METTL24: variants seen among roughly 807,000 people sequenced by gnomAD.
METTL24 encodes the protein methyltransferase like 24.
In METTL24, 29 loss-of-function variants were observed where a neutral mutation model predicts 32.7. The observed-to-expected ratio is 0.89, with a 90% CI of 0.66 to 1.21. The LOEUF (loss-of-function observed/expected upper bound fraction) is 1.21, where lower values mean the gene tolerates loss of function less well. METTL24 is among the 50% of genes most tolerant of loss of function. The probability of loss-of-function intolerance (pLI) is 0.00; values close to 1 mark genes in which losing one functional copy is unlikely to be tolerated. For synonymous variants in METTL24, 163 were observed against 179.5 expected (o/e 0.91, Z 0.73); for missense variants, 439 against 468.1 (o/e 0.94, Z 0.57).
chr6:110,290,166 C>G (rs536145581), intron 4 of METTL24, among the ~76,000 whole-genome samples: 4 of 151,484 alleles, frequency 2.6e-5, no homozygotes, highest in African/African-American at 9.8e-5. Flanking sequence ...TCCACCCCCC[C>G]TCAGCCTCCC....
At chr6:110,320,468 C>G (rs1421457023) in intron 2 of METTL24, among the ~76,000 whole-genome samples, 1 of 152,090 alleles carries the variant, frequency 6.6e-6, no homozygotes, top group Non-Finnish European at 1.5e-5. Context: ...TCTGGTGACT[C>G]CCATCTGCTG....
intron 3 of METTL24, among the ~76,000 whole-genome samples, chr6:110,303,744 CA>C (rs1562231464): frequency 1.3e-5 from 2 of 152,246 alleles, no homozygotes; most frequent in Non-Finnish European, 2.9e-5. Context: ...GCAGCTTCAG[CA>C]GACTTAAACA....
At chr6:110,302,540 TAC>T (rs769357594) in intron 3 of METTL24, among the ~76,000 whole-genome samples, 131 of 105,780 alleles carry the variant, frequency 1.2e-3, no homozygotes, top group East Asian at 5.1e-3. Context: ...TATACACATA[TAC>T]ACACACATAT....
intron 3 of METTL24, among the ~76,000 whole-genome samples, chr6:110,306,195 T>G (rs996482223): frequency 6.6e-6 from 1 of 151,812 alleles, no homozygotes; most frequent in African/African-American, 2.4e-5. Context: ...TTAGGAGAAA[T>G]ACCTAATGTA....
At chr6:110,305,332 C>T (rs1039203579) in intron 3 of METTL24, among the ~76,000 whole-genome samples, 3 of 151,878 alleles carry the variant, frequency 2.0e-5, no homozygotes, top group Non-Finnish European at 2.9e-5. Context: ...CAAATAGGAT[C>T]GAATTAAATT....
intron 3 of METTL24, among the ~76,000 whole-genome samples, chr6:110,308,781 G>A (rs1771668385): frequency 6.6e-6 from 1 of 152,200 alleles, no homozygotes; most frequent in Non-Finnish European, 1.5e-5. Flanking sequence ...AAGGAATGAA[G>A]TACTGATACA....
chr6:110,259,796 T>G (rs1339762764), intron 4 of METTL24, among the ~76,000 whole-genome samples: 1 of 152,118 alleles, frequency 6.6e-6, no homozygotes, highest in Non-Finnish European at 1.5e-5. Flanking sequence ...GCAGCAACAT[T>G]GGCTGTTCAC....
At chr6:110,265,450 A>T (rs977263311) in intron 4 of METTL24, among the ~76,000 whole-genome samples, 1 of 143,888 alleles carries the variant, frequency 6.9e-6, no homozygotes, top group African/African-American at 2.4e-5. Context: ...CTTCTTCAAC[A>T]ACAAAACCCT....
At chr6:110,280,291 C>T (rs771914432) in intron 4 of METTL24, among the ~76,000 whole-genome samples, 3 of 152,134 alleles carry the variant, frequency 2.0e-5, no homozygotes, top group Non-Finnish European at 1.5e-5. Context: ...GCTGTATGAA[C>T]CCACTGTTTG....
intron 3 of METTL24, among the ~76,000 whole-genome samples, chr6:110,302,426 C>CACACACATATGTGTATATATACACATAT (rs1259480910): frequency 1.1e-3 from 149 of 139,418 alleles, no homozygotes; most frequent in South Asian, 2.3e-3. Flanking sequence ...TACACATATA[C>CACACACATATGTGTATATATACACATAT]ACACACATAT....
intron 4 of METTL24, among the ~76,000 whole-genome samples, chr6:110,250,143 C>T (rs1466007803): frequency 6.6e-6 from 1 of 151,752 alleles, no homozygotes; most frequent in Non-Finnish European, 1.5e-5. Context: ...CAAGGGCTGC[C>T]GTAACAAAAG....
intron 4 of METTL24, among the ~76,000 whole-genome samples, chr6:110,271,660 C>T (rs73763003): frequency 0.09 from 13,743 of 152,144 alleles, 1,143 homozygotes; most frequent in African/African-American, 0.23. Flanking sequence ...ATATAATCTA[C>T]ATTTTTTTCT....
At chr6:110,350,168 C>T (rs1470737737) in intron 1 of METTL24, among the ~76,000 whole-genome samples, 2 of 152,196 alleles carry the variant, frequency 1.3e-5, no homozygotes, top group Non-Finnish European at 2.9e-5. Context: ...CAGAGAATTC[C>T]TCACACATGG....
intron 4 of METTL24, among the ~76,000 whole-genome samples, chr6:110,260,406 G>A (rs1234446393): frequency 6.6e-6 from 1 of 152,084 alleles, no homozygotes; most frequent in Non-Finnish European, 1.5e-5. Flanking sequence ...GAGAAGAGAA[G>A]TTTAGAGAAA....
intron 1 of METTL24, among the ~76,000 whole-genome samples, chr6:110,348,048 A>G (rs1011743765): frequency 6.6e-6 from 1 of 152,234 alleles, no homozygotes; most frequent in South Asian, 2.1e-4. Flanking sequence ...CACCACAAGC[A>G]CACACATCGA....
chr6:110,245,812 C>A lies in METTL24; in HGVS notation c.*134G>T. On this transcript the variant is annotated 3_prime_UTR_variant, in exon 5 of 5. Coordinates refer to ENST00000338882, the MANE Select transcript of METTL24 (RefSeq NM_001123364.3). ...CACATGCCAAGCACTAGGCTGCATG[C>A]CCGCAATAACACACTCCCTGCCTCA... 1.2e-6 allele frequency: 1 copy of A among 827,750 alleles called. No individual in the cohort carries two copies. The highest frequency in any genetic ancestry group is 1.7e-5 in the South Asian group (1 of 59,806). 51.3% of individuals were successfully genotyped at this position (827,750 alleles called of 1,614,324 possible). A position where few individuals can be genotyped will look rare whatever the true frequency, so the allele number is the denominator to read the frequency against.
chr6:110,278,571 T>C (rs1300146308), intron 4 of METTL24, among the ~76,000 whole-genome samples: 1 of 152,168 alleles, frequency 6.6e-6, no homozygotes. Flanking sequence ...AAACTCACAA[T>C]TAACCAGAAT....
At chr6:110,285,057 C>T (rs1370714181) in intron 4 of METTL24, among the ~76,000 whole-genome samples, 1 of 152,226 alleles carries the variant, frequency 6.6e-6, no homozygotes, top group Non-Finnish European at 1.5e-5. Context: ...CTCTGAAGTG[C>T]AGGCATGTGC....
intron 4 of METTL24, among the ~76,000 whole-genome samples, chr6:110,256,338 C>A (rs1284809304): frequency 6.6e-6 from 1 of 152,160 alleles, no homozygotes; most frequent in Non-Finnish European, 1.5e-5. Flanking sequence ...GATATGAGTC[C>A]CAGTGCTGCA....
Sources: gnomAD v4.1 joint callset for allele counts (sites outside exome capture counted in the v4.1 genomes callset) on GRCh38, gnomAD v4.1.1 for gene constraint, MANE v1.5 for transcripts, NCBI Gene and HGNC (gene_info 2026-07-23, HGNC 2026-07-21) for gene names.